Variants in PKM observed in about 807,000 individuals in gnomAD.
The protein encoded by PKM is pyruvate kinase M1/2.
In PKM, 18 loss-of-function variants were observed where a neutral mutation model predicts 49.8. The observed-to-expected ratio is 0.36, with a 90% CI of 0.25 to 0.54. PKM has a LOEUF of 0.54. Ranked by LOEUF, PKM falls within the 20% of genes least tolerant of loss-of-function variation. PKM has a pLI of 0.89. For missense variants in PKM, 508 were observed against 713.8 expected, an observed-to-expected ratio of 0.71 and a Z score of 3.28; for synonymous variants, 239 against 261.8, an observed-to-expected ratio of 0.91 and a Z score of 0.84.
intron 6 of PKM, 129 bp from the exon 7 acceptor site, chr15:72,207,406 A>C: frequency 6.0e-6 from 5 of 839,640 alleles, no homozygotes; most frequent in Non-Finnish European, 8.1e-6. Flanking sequence ...CCATGATATC[A>C]TCATGGGTGC....
At position 72,200,759 on chromosome 15, in the gene PKM, G is replaced by T; in HGVS notation, c.1308-104C>A. 1 of 1,002,102 alleles carries T rather than the reference G, an allele frequency of 1.0e-6. No homozygotes were observed. Among genetic ancestry groups the T allele is most frequent in the Non-Finnish European group, 1.5e-6 (1 of 674,682 alleles). 62.1% of individuals were successfully genotyped at this position (1,002,102 alleles called of 1,614,324 possible). On this transcript the variant is annotated intron_variant, in intron 9 of 10. Transcript: ENST00000335181. The surrounding 1 kb of genome is among the most constrained non-coding windows in gnomAD (Gnocchi z 4.6). ...CACCCTCTCATCCAGCTCACTGAGGGCTCTGGCCTCTTCAACATCTGCTCC... is the reference window on the plus strand; with the variant it reads ...CACCCTCTCATCCAGCTCACTGAGGTCTCTGGCCTCTTCAACATCTGCTCC...
Position 72,202,984 on chromosome 15 carries a change from G to T in PKM, c.1141-364C>A. 6.3e-7 allele frequency: 1 copy of T among 1,599,684 alleles called. No homozygotes were observed. The highest frequency in any genetic ancestry group is 8.6e-7 in the Non-Finnish European group (1 of 1,168,082). On this transcript the variant is annotated intron_variant, in intron 8 of 10. Coordinates refer to ENST00000335181, the MANE Select transcript of PKM (RefSeq NM_002654.6). This position sits in a 1 kb window ranked among gnomAD's most constrained non-coding sequence, Gnocchi z 4.5. Reference sequence around the variant, plus strand: ...CCTAGAGCAGGTGGAGCAAGAGGCTGGTTATCCTAACAGTGTTACCTGCCC... The same window carrying T: ...CCTAGAGCAGGTGGAGCAAGAGGCTTGTTATCCTAACAGTGTTACCTGCCC...
intron 1 of PKM, chr15:72,228,546 G>C: frequency 1.2e-6 from 1 of 864,806 alleles, no homozygotes; most frequent in African/African-American, 1.7e-5. Context: ...TTTTAAGCCT[G>C]CAAGAACCAC....
In PKM at chr15:72,209,818, G is replaced by A. The variant is rs879124422; in HGVS notation, c.420C>T (p.Leu140=). 1.9e-6 allele frequency: 3 copies of A among 1,614,086 alleles called. No homozygotes were observed. The South Asian group carries it at 3.3e-5, about 18-fold the overall frequency. ...TGTAGGCGTTATCCAGCGTGATTTT[G>A]AGAGTGGCTCCCTTCTTCAGCTCCA... ...AEVELKKGAT[L]KITLDNAYME... Residue 140 remains leucine, a synonymous_variant, in exon 5 of 11, where the codon CTC becomes CTT. Coordinates refer to ENST00000335181, the MANE Select transcript of PKM (RefSeq NM_002654.6).
In PKM at chr15:72,202,999, G is replaced by A; in HGVS notation, c.1141-379C>T. On this transcript the variant is annotated intron_variant, in intron 8 of 10. Coordinates refer to ENST00000335181, the MANE Select transcript of PKM (RefSeq NM_002654.6). This position sits in a 1 kb window ranked among gnomAD's most constrained non-coding sequence, Gnocchi z 4.5. ...GCAAGAGGCTGGTTATCCTAACAGTGTTACCTGCCCTTAGGGCCCTACCTG... is the reference window on the plus strand; with the variant it reads ...GCAAGAGGCTGGTTATCCTAACAGTATTACCTGCCCTTAGGGCCCTACCTG... 6.2e-7 allele frequency: 1 copy of A among 1,611,322 alleles called. No homozygotes were observed. The highest frequency in any genetic ancestry group is 1.1e-5 in the South Asian group (1 of 91,030).
intron 1 of PKM, among the ~76,000 whole-genome samples, chr15:72,223,028 T>C (rs1002278387): frequency 2.0e-5 from 3 of 151,510 alleles, no homozygotes; most frequent in Middle Eastern, 3.4e-3. Flanking sequence ...TTTTTCTTTT[T>C]TTTTTTTTTC....
rs1452657878 is a variant in PKM at position 72,202,337 on chromosome 15, G to C, written c.1307+117C>G. On this transcript the variant is annotated intron_variant, in intron 9 of 10. Coordinates refer to ENST00000335181, the MANE Select transcript of PKM (RefSeq NM_002654.6). The surrounding 1 kb of genome is among the most constrained non-coding windows in gnomAD (Gnocchi z 4.5). ...CCCTGCAGGCCCAAGGTGGCAGGCA[G>C]AGGGGTCTTACCTTGGCTCAGTGCC... is the stretch of plus-strand genomic sequence containing the variant. The C allele has an allele frequency of 3.7e-6, 4 of 1,067,742 alleles. No homozygotes were observed. The Admixed American group carries it at 6.0e-5, about 16-fold the overall frequency. The allele number at this position is 1,067,742 out of a possible 1,614,324, so 66.1% of individuals were successfully genotyped here.
intron 1 of PKM, chr15:72,221,113 A>G (rs1478411320): frequency 1.0e-6 from 1 of 975,138 alleles, no homozygotes; most frequent in Non-Finnish European, 1.6e-6. Context: ...TAGACCTGAG[A>G]TATGAGGGTC....
intron 1 of PKM, among the ~76,000 whole-genome samples, chr15:72,229,212 A>G (rs1265692018): frequency 6.6e-6 from 1 of 152,214 alleles, no homozygotes; most frequent in Non-Finnish European, 1.5e-5. Context: ...GCTCAAAAAT[A>G]ATATATTCAG....
intron 3 of PKM, among the ~76,000 whole-genome samples, chr15:72,212,983 G>C (rs944629078): frequency 6.6e-6 from 1 of 152,014 alleles, no homozygotes; most frequent in South Asian, 2.1e-4. Context: ...GCTGAGGCAA[G>C]AGAATGGTGT....
chr15:72,225,088 A>ATTTTTTTTTTT (rs59687887), intron 1 of PKM, among the ~76,000 whole-genome samples: 2 of 116,646 alleles, frequency 1.7e-5, no homozygotes, highest in Non-Finnish European at 3.5e-5. Flanking sequence ...GGCCCGGCTA[A>ATTTTTTTTTTT]TTTTTTTTTT....
rs2081911578 is a variant in PKM at position 72,200,364 on chromosome 15, AGGTCT to A, written c.1489+105_1489+109del. ...AGTCGCTGGGCCTTTTGCCCCACTA[AGGTCT>A]GTGTGTTCCCCTTTCTATTCCCCAA... On this transcript the variant is annotated intron_variant, in intron 10 of 10. Coordinates refer to ENST00000335181, the MANE Select transcript of PKM (RefSeq NM_002654.6). This position sits in a 1 kb window ranked among gnomAD's most constrained non-coding sequence, Gnocchi z 4.6. 1.6e-5 allele frequency: 15 copies of A among 952,112 alleles called. No individual in the cohort carries two copies. The South Asian group carries it at 1.9e-4, about 12-fold the overall frequency. The allele number at this position is 952,112 out of a possible 1,614,324, so 59.0% of individuals were successfully genotyped here.
chr15:72,218,930 G>A lies in PKM; in HGVS notation c.154+14C>T. 1 of 1,613,952 alleles carries A rather than the reference G, an allele frequency of 6.2e-7. No homozygotes were observed. The highest frequency in any genetic ancestry group is 8.5e-7 in the Non-Finnish European group (1 of 1,179,870). ...ATGAAGCCCTTTTTTGGGGGAAGGG[G>A]CACACCCACTCACCAATGGTACAGA... On this transcript the variant is annotated intron_variant, in intron 2 of 10. Coordinates refer to ENST00000335181, the MANE Select transcript of PKM (RefSeq NM_002654.6).
intron 5 of PKM, 40 bp downstream of exon 5, chr15:72,209,633 A>C: frequency 6.3e-7 from 1 of 1,576,694 alleles, no homozygotes. Flanking sequence ...TAGAGACAAA[A>C]GACTGTTTTA....
chr15:72,204,843 A>C (rs996319062), intron 8 of PKM, among the ~76,000 whole-genome samples: 1 of 152,218 alleles, frequency 6.6e-6, no homozygotes, highest in East Asian at 1.9e-4. Context: ...TCCTCCTTTG[A>C]GACCATGAAG....
intron 1 of PKM, among the ~76,000 whole-genome samples, chr15:72,223,532 C>T (rs1038566844): frequency 1.3e-5 from 2 of 152,136 alleles, no homozygotes; most frequent in Non-Finnish European, 2.9e-5. Context: ...CACCTGCATC[C>T]GTTAGAAAGT....
intron 1 of PKM, among the ~76,000 whole-genome samples, chr15:72,227,371 T>C (rs1596809583): frequency 6.6e-6 from 1 of 152,310 alleles, no homozygotes; most frequent in East Asian, 1.9e-4. Context: ...AGAAGGGTAA[T>C]GTCAAATGAG....
At position 72,199,634 on chromosome 15, in the gene PKM, G is replaced by A. The variant is rs2081885257; in HGVS notation, c.*16C>T. 1.3e-6 allele frequency: 2 copies of A among 1,580,726 alleles called. No individual in the cohort carries two copies. The highest frequency in any genetic ancestry group is 1.3e-5 in the African/African-American group (1 of 74,276). ...AGGGGGTGGGACAGGGGCTGGAGGAGGGGCTCTGGGGTCCATCACGGCACA... is the reference window on the plus strand; with the variant it reads ...AGGGGGTGGGACAGGGGCTGGAGGAAGGGCTCTGGGGTCCATCACGGCACA... On this transcript the variant is annotated 3_prime_UTR_variant, in exon 11 of 11. Coordinates refer to ENST00000335181, the MANE Select transcript of PKM (RefSeq NM_002654.6).
chr15:72,219,239 GC>G, intron 1 of PKM, 129 bp from the exon 2 acceptor site: 1 of 808,536 alleles, frequency 1.2e-6, no homozygotes, highest in Non-Finnish European at 2.0e-6. Flanking sequence ...CCACAGGGAA[GC>G]CAGACATGAT....
Sources: gnomAD v4.1 joint callset for allele counts (sites outside exome capture counted in the v4.1 genomes callset) on GRCh38, gnomAD v4.1.1 for gene constraint, Gnocchi (gnomAD v3.1) non-coding constraint, MANE v1.5 for transcripts, NCBI Gene and HGNC (gene_info 2026-07-23, HGNC 2026-07-21) for gene names.